Variants in ANXA8 observed in about 807,000 individuals in gnomAD.
ANXA8 encodes VAC-beta.
Under a neutral mutation model 26.8 loss-of-function variants are expected in ANXA8, and 9 were observed. The ratio of observed to expected loss-of-function variants is 0.34; its 90% CI spans 0.20 to 0.59. The LOEUF (loss-of-function observed/expected upper bound fraction) is 0.59. Among genes scored for constraint, ANXA8 ranks in the 20% least tolerant of loss-of-function variants. The probability of loss-of-function intolerance (pLI) is 0.84; values close to 1 mark genes in which losing one functional copy is unlikely to be tolerated. For missense variants in ANXA8, 83 were observed against 238.5 expected (o/e 0.35, Z 4.29); for synonymous variants, 39 against 94.8 (o/e 0.41, Z 3.42).
chr10:47,749,671 TA>T, the ANXA8 span, among the ~76,000 whole-genome samples: 5,321 of 146,604 alleles, frequency 0.036, 68 homozygotes, highest in African/African-American at 0.047. Context: ...AAACCAATGG[TA>T]GGGGGGGAAA....
the ANXA8 span, among the ~76,000 whole-genome samples, chr10:47,776,905 G>A: frequency 1.1e-4 from 16 of 151,496 alleles, no homozygotes; most frequent in South Asian, 3.2e-3. Flanking sequence ...TCTATCCCTA[G>A]GTATTGTGAT....
the ANXA8 span, among the ~76,000 whole-genome samples, chr10:47,702,349 T>C: frequency 5.5e-4 from 83 of 150,906 alleles, 1 homozygote; most frequent in African/African-American, 2.0e-3. Flanking sequence ...TTTTCTTTTT[T>C]TTTTTTTTTG....
the ANXA8 span, among the ~76,000 whole-genome samples, chr10:47,704,326 A>G: frequency 2.1e-5 from 3 of 143,316 alleles, no homozygotes; most frequent in Non-Finnish European, 3.1e-5. Context: ...GTATACGATC[A>G]TCTCAATAGG....
the ANXA8 span, among the ~76,000 whole-genome samples, chr10:47,684,310 T>G: frequency 2.0e-5 from 3 of 152,134 alleles, no homozygotes; most frequent in Admixed American, 6.5e-5. Flanking sequence ...ACTCACATAC[T>G]CACAACTCCT....
chr10:47,647,191 A>G, the ANXA8 span, among the ~76,000 whole-genome samples: 2 of 152,188 alleles, frequency 1.3e-5, no homozygotes, highest in African/African-American at 4.8e-5. Context: ...TACAATCCTT[A>G]TTATTTTTGA....
At chr10:47,673,991 GT>G in the ANXA8 span, among the ~76,000 whole-genome samples, 130 of 151,288 alleles carry the variant, frequency 8.6e-4, 2 homozygotes, top group South Asian at 6.2e-3. Flanking sequence ...CTCATCTCTT[GT>G]TTTTGATGAC....
the ANXA8 span, among the ~76,000 whole-genome samples, chr10:47,563,937 T>G: frequency 4.6e-5 from 7 of 150,766 alleles, no homozygotes; most frequent in East Asian, 1.4e-3. Flanking sequence ...CCTCAACATA[T>G]TCTATAAATA....
chr10:47,762,738 C>T, the ANXA8 span: 1 of 1,106,614 alleles, frequency 9.0e-7, no homozygotes, highest in Non-Finnish European at 1.1e-6. Context: ...CGGGCGAGCA[C>T]AGGGGCGGTC....
chr10:47,614,257 A>T, the ANXA8 span, among the ~76,000 whole-genome samples: 2 of 74,266 alleles, frequency 2.7e-5, 1 homozygote, highest in Admixed American at 2.9e-4. Flanking sequence ...TTTAACTTGC[A>T]AATACATAGT....
chr10:47,733,210 T>TTTC, the ANXA8 span, among the ~76,000 whole-genome samples: 4 of 75,764 alleles, frequency 5.3e-5, no homozygotes, highest in East Asian at 7.7e-4. Context: ...TCTTTCTTTC[T>TTTC]TTCTTTCTTT....
the ANXA8 span, among the ~76,000 whole-genome samples, chr10:47,620,672 G>A: frequency 9.4e-6 from 1 of 106,694 alleles, no homozygotes; most frequent in Non-Finnish European, 2.0e-5. Flanking sequence ...TAAATGTCTT[G>A]TAAGAAATTC....
chr10:47,552,292 A>G, the ANXA8 span, among the ~76,000 whole-genome samples: 2 of 151,606 alleles, frequency 1.3e-5, no homozygotes, highest in Non-Finnish European at 2.9e-5. Flanking sequence ...GTTACTTAAA[A>G]TGTACTTCAG....
the ANXA8 span, among the ~76,000 whole-genome samples, chr10:47,733,050 G>T: frequency 6.6e-6 from 1 of 150,700 alleles, no homozygotes. Context: ...GCAAAAAAGG[G>T]GGACTTGATT....
chr10:47,710,180 T>C, the ANXA8 span: 9 of 1,049,342 alleles, frequency 8.6e-6, no homozygotes, highest in African/African-American at 5.3e-5. Flanking sequence ...AAAAATGTAA[T>C]GTTGCCATCT....
the ANXA8 span, among the ~76,000 whole-genome samples, chr10:47,980,063 C>A: frequency 6.7e-6 from 1 of 150,202 alleles, no homozygotes; most frequent in Non-Finnish European, 1.5e-5. Context: ...TAATTGAAAT[C>A]ATATAGAATA....
the ANXA8 span, among the ~76,000 whole-genome samples, chr10:47,682,158 T>C: frequency 7.2e-6 from 1 of 139,692 alleles, no homozygotes; most frequent in Non-Finnish European, 1.5e-5. Flanking sequence ...AAATTCAACC[T>C]TATTTCAATT....
chr10:47,560,393 G>A, the ANXA8 span, among the ~76,000 whole-genome samples: 373 of 151,818 alleles, frequency 2.5e-3, 7 homozygotes, highest in African/African-American at 8.6e-3. Flanking sequence ...TTTATGTGTG[G>A]GAGAAGAAAT....
the ANXA8 span, among the ~76,000 whole-genome samples, chr10:47,553,142 T>C: frequency 6.6e-6 from 1 of 152,060 alleles, no homozygotes; most frequent in Non-Finnish European, 1.5e-5. Flanking sequence ...GCCGAACTTG[T>C]ACTGTTTCTC....
At chr10:47,511,012 C>A in the ANXA8 span, among the ~76,000 whole-genome samples, 13 of 127,032 alleles carry the variant, frequency 1.0e-4, no homozygotes, top group African/African-American at 3.8e-4. Context: ...GGCGCGATCT[C>A]GGCTCACTGC....
Sources: allele counts gnomAD v4.1 joint callset (sites outside exome capture counted in the v4.1 genomes callset), GRCh38; gene constraint gnomAD v4.1.1; transcripts MANE v1.5; gene names NCBI Gene and HGNC (gene_info 2026-07-23, HGNC 2026-07-21).